Variants in COL4A1 observed in about 807,000 individuals in gnomAD.
COL4A1 encodes collagen alpha-1(IV) chain.
A neutral mutation model predicts 216.6 loss-of-function variants in COL4A1; 40 were observed. The observed-to-expected ratio is 0.18, with a 90% CI of 0.14 to 0.24. COL4A1 has a LOEUF of 0.24. Among genes scored for constraint, COL4A1 ranks in the 10% least tolerant of loss-of-function variants. The probability of loss-of-function intolerance (pLI) is 1.00; values close to 1 mark genes in which losing one functional copy is unlikely to be tolerated. For missense variants in COL4A1, 1,628 were observed against 2,196.8 expected (o/e 0.74, Z 5.18); for synonymous variants, 839 against 810.7 (o/e 1.03, Z -0.59).
At chr13:110,181,518 C>T (rs1878154277) in intron 28 of COL4A1, 129 bp from the exon 29 acceptor site, 10 of 979,670 alleles carry the variant, frequency 1.0e-5, no homozygotes, top group Middle Eastern at 2.9e-4. Flanking sequence ...ACTGTGGAGG[C>T]CTTCCGAGGT....
intron 24 of COL4A1, chr13:110,191,651 T>C (rs1271608189): frequency 5.8e-6 from 4 of 688,412 alleles, no homozygotes; most frequent in Non-Finnish European, 7.9e-6. Context: ...AAAAAGCAAC[T>C]GCACAATAGA....
Position 110,177,888 on chromosome 13 carries a change from C to A in COL4A1, c.2670G>T (p.Pro890=). 6.2e-7 allele frequency: 1 copy of A among 1,614,110 alleles called. No individual in the cohort carries two copies. Among genetic ancestry groups the A allele is most frequent in the Non-Finnish European group, 8.5e-7 (1 of 1,180,024 alleles). ...GAGCACCCACTGGTCCTGGTGAGCC[C>A]GGCTGCCCGGGGGTCCCCATGACGC... ...EMGVMGTPGQ[P]GSPGPVGAPG... is the part of the protein sequence containing the mutation. The change falls in exon 33 of 52, where the codon CCG becomes CCT. Residue 890 remains proline, a synonymous_variant. Transcript: ENST00000375820.
chr13:110,182,134 A>G (rs559229108), intron 28 of COL4A1, among the ~76,000 whole-genome samples: 3 of 152,254 alleles, frequency 2.0e-5, no homozygotes, highest in South Asian at 4.2e-4. Context: ...TGTGAGTGTG[A>G]CGAGGCCTCA....
chr13:110,298,030 G>GA (rs150958493), intron 1 of COL4A1, among the ~76,000 whole-genome samples: 19 of 148,726 alleles, frequency 1.3e-4, no homozygotes, highest in African/African-American at 3.2e-4. Flanking sequence ...CTAGTCAAGA[G>GA]AAAAAAAAAT....
intron 1 of COL4A1, among the ~76,000 whole-genome samples, chr13:110,285,777 G>A (rs139412697): frequency 2.6e-5 from 4 of 152,254 alleles, no homozygotes; most frequent in African/African-American, 7.2e-5. Flanking sequence ...CCATACCATC[G>A]CTTTCCCAGT....
chr13:110,154,636 C>T (rs577086711), intron 50 of COL4A1, among the ~76,000 whole-genome samples: 36 of 152,318 alleles, frequency 2.4e-4, no homozygotes, highest in African/African-American at 8.7e-4. Context: ...TATAGAGAAA[C>T]CGGTCATATA....
At chr13:110,299,090 A>T (rs1300856332) in intron 1 of COL4A1, among the ~76,000 whole-genome samples, 1 of 152,224 alleles carries the variant, frequency 6.6e-6, no homozygotes, top group Non-Finnish European at 1.5e-5. Context: ...GGGCAGGAGC[A>T]GAAATCAACG....
At position 110,205,357 on chromosome 13, in the gene COL4A1, G is replaced by A. The variant is rs746559670; in HGVS notation, c.953C>T (p.Pro318Leu). 1.1e-5 allele frequency: 17 copies of A among 1,614,020 alleles called. No individual in the cohort carries two copies. The highest frequency in any genetic ancestry group is 1.7e-5 in the Admixed American group (1 of 60,014). ...CACAATAGTGCCAGCGTTTACCTGCGGGCCCTGGCGGCCTATGAGTCCTGG... is the reference window on the plus strand; with the variant it reads ...CACAATAGTGCCAGCGTTTACCTGCAGGCCCTGGCGGCCTATGAGTCCTGG... The part of the protein sequence containing the change: ...GYPGLIGRQG[P>L]QGEKGEAGPP... The change falls in exon 17 of 52, where the codon CCG (proline) becomes CTG (leucine). Residue 318 changes from proline (P) to leucine (L), a missense_variant. By Grantham distance (98) the Pro-to-Leu change is moderately conservative (BLOSUM62 -3). Coordinates refer to ENST00000375820, the MANE Select transcript of COL4A1 (RefSeq NM_001845.6).
At position 110,170,557 on chromosome 13, in the gene COL4A1, A is replaced by G. The variant is rs776705202; in HGVS notation, c.3732T>C (p.Pro1244=). The change falls in exon 42 of 52, where the codon CCT becomes CCC. Residue 1244 remains proline, a synonymous_variant. Transcript: ENST00000375820. ...PKGDRGPQGQ[P]GLPGLPGPMG... is the part of the protein sequence containing the mutation. Reference sequence around the variant, plus strand: ...GCGAGATGCCCTTACCTGGCAGGCCAGGCTGGCCCTGAGGTCCGCGGTCTC... The same window carrying G: ...GCGAGATGCCCTTACCTGGCAGGCCGGGCTGGCCCTGAGGTCCGCGGTCTC... 1.2e-6 allele frequency: 2 copies of G among 1,602,810 alleles called. No individual in the cohort carries two copies. Among genetic ancestry groups the G allele is most frequent in the African/African-American group, 1.3e-5 (1 of 74,810 alleles).
chr13:110,252,783 T>TTATAAGTATGTATTACATATACAGATAAC (rs1882211544), intron 1 of COL4A1, among the ~76,000 whole-genome samples: 1 of 142,766 alleles, frequency 7.0e-6, no homozygotes, highest in Non-Finnish European at 1.5e-5. Flanking sequence ...AAACATATAA[T>TTATAAGTATGTATTACATATACAGATAAC]TATAAGTATG....
chr13:110,204,576 T>C (rs559760878), intron 17 of COL4A1, among the ~76,000 whole-genome samples: 1 of 143,946 alleles, frequency 6.9e-6, no homozygotes, highest in South Asian at 2.2e-4. Context: ...CCTAGTCTCA[T>C]ATTAAGAGAG....
chr13:110,193,139 C>T (rs1367553378), intron 22 of COL4A1, among the ~76,000 whole-genome samples: 7 of 152,226 alleles, frequency 4.6e-5, no homozygotes, highest in Non-Finnish European at 7.3e-5. Flanking sequence ...CCCCAGCACG[C>T]GTCACGTGTG....
intron 1 of COL4A1, among the ~76,000 whole-genome samples, chr13:110,280,141 G>C (rs2139299191): frequency 6.6e-6 from 1 of 152,270 alleles, no homozygotes; most frequent in Non-Finnish European, 1.5e-5. Flanking sequence ...CACGTATAAA[G>C]AACTTGGGAT....
intron 1 of COL4A1, among the ~76,000 whole-genome samples, chr13:110,252,150 A>G (rs938133280): frequency 6.6e-6 from 1 of 151,958 alleles, no homozygotes; most frequent in African/African-American, 2.4e-5. Context: ...CAGCCTCCCA[A>G]GTAGCTGGGA....
chr13:110,182,399 C>A (rs3783113), intron 28 of COL4A1, among the ~76,000 whole-genome samples: 1 of 152,002 alleles, frequency 6.6e-6, no homozygotes, highest in South Asian at 2.1e-4. Context: ...TTACACAACA[C>A]GTCCCTTTTG....
Position 110,186,427 on chromosome 13 carries a change from G to C in COL4A1, c.1855C>G (p.Gln619Glu), listed in dbSNP as rs752800790. 1.2e-6 allele frequency: 2 copies of C among 1,613,736 alleles called. No individual in the cohort carries two copies. Among genetic ancestry groups the C allele is most frequent in the African/African-American group, 1.3e-5 (1 of 75,050 alleles). ...GPAGPIGDKG[Q>E]AGFPGGPGSP... is the part of the protein sequence containing the mutation. ...CCAGGGCCTCCAGGAAAGCCTGCTT[G>C]TCCTTTGTCACCAATGGGACCAGCA... The change falls in exon 26 of 52, where the codon CAA (glutamine) becomes GAA (glutamate). Residue 619 changes from glutamine to glutamate, a missense_variant. Coordinates refer to ENST00000375820, the MANE Select transcript of COL4A1 (RefSeq NM_001845.6).
chr13:110,170,937 G>C (rs1438824311), intron 41 of COL4A1, among the ~76,000 whole-genome samples: 4 of 152,202 alleles, frequency 2.6e-5, no homozygotes, highest in South Asian at 2.1e-4. Flanking sequence ...CCATGGCCTG[G>C]CTGGAAAAAG....
At position 110,207,569 on chromosome 13, in the gene COL4A1, C is replaced by A; in HGVS notation, c.694-80G>T. 8.6e-7 allele frequency: 1 copy of A among 1,160,944 alleles called. No individual in the cohort carries two copies. Among genetic ancestry groups the A allele is most frequent in the Non-Finnish European group, 1.3e-6 (1 of 774,280 alleles). The allele number at this position is 1,160,944 out of a possible 1,614,324, so 71.9% of individuals were successfully genotyped here. ...GAAAAATTGCAGAGAGAGGTAAAAG[C>A]CTAAAATAAAACACCTATTTTTAAA... On this transcript the variant is annotated intron_variant, in intron 12 of 51. Coordinates refer to ENST00000375820, the MANE Select transcript of COL4A1 (RefSeq NM_001845.6). The surrounding 1 kb of genome is among the most constrained non-coding windows in gnomAD (Gnocchi z 4.4).
rs567545323 is a variant in COL4A1, at chr13:110,230,240, T to C, written c.144+12435A>G. Among the ~76,000 whole-genome samples the C allele has an allele frequency of 2.6e-5, 4 of 151,808 alleles. No homozygotes were observed. In the South Asian group the frequency reaches 8.3e-4, roughly 32 times the overall value. On this transcript the variant is annotated intron_variant, in intron 2 of 51. Coordinates refer to ENST00000375820, the MANE Select transcript of COL4A1 (RefSeq NM_001845.6). ...GTATATGTAAGTGGTGTGTGTGGTA[T>C]GTATGTGTGTGTGGTGTGTGTATAT...
Sources: gnomAD v4.1 joint callset for allele counts (sites outside exome capture counted in the v4.1 genomes callset) on GRCh38, gnomAD v4.1.1 for gene constraint, Gnocchi (gnomAD v3.1) non-coding constraint, MANE v1.5 for transcripts, NCBI Gene and HGNC (gene_info 2026-07-23, HGNC 2026-07-21) for gene names.